Variants in GPATCH2L observed in about 807,000 individuals in gnomAD.
GPATCH2L encodes G-patch domain containing 2 like, also known as G patch domain-containing protein 2-like.
GPATCH2L carries 31 observed loss-of-function variants against 57.4 expected under a neutral mutation model. That is an observed-to-expected ratio of 0.54 (90% CI 0.41 to 0.73). The LOEUF (loss-of-function observed/expected upper bound fraction) is 0.73, where lower values mean the gene tolerates loss of function less well. GPATCH2L is among the 30% of genes least tolerant of loss of function. The probability of loss-of-function intolerance (pLI) is 0.00; values close to 1 mark genes in which losing one functional copy is unlikely to be tolerated. For missense variants in GPATCH2L, 481 were observed against 599.9 expected, an observed-to-expected ratio of 0.80 and a Z score of 2.07; for synonymous variants, 199 against 210.7, an observed-to-expected ratio of 0.94 and a Z score of 0.48.
chr14:76,197,407 A>C (rs2040189315), intron 9 of GPATCH2L, among the ~76,000 whole-genome samples: 1 of 152,108 alleles, frequency 6.6e-6, no homozygotes, highest in Non-Finnish European at 1.5e-5. Flanking sequence ...TCCTTGTTCC[A>C]TTTTCAGGTT....
intron 1 of GPATCH2L, chr14:76,152,719 A>G (rs369642531): frequency 1.3e-5 from 6 of 455,960 alleles, no homozygotes; most frequent in East Asian, 6.9e-5. Context: ...TTCGACTGCA[A>G]GTTGTTTGAT....
Position 76,207,138 on chromosome 14 carries a change from G to A in GPATCH2L, c.*5287G>A, listed in dbSNP as rs1320003310. On this transcript the variant is annotated 3_prime_UTR_variant, in exon 10 of 10. Transcript: ENST00000261530. ...AAGACCAGCCTATGCAACACAGTGA[G>A]ACCTTGTCTCTACAAAAAATTTTAA... 1 of 152,152 alleles carries A rather than the reference G, an allele frequency of 6.6e-6. No homozygotes were observed. Among genetic ancestry groups the A allele is most frequent in the Non-Finnish European group, 1.5e-5 (1 of 68,038 alleles). The allele number at this position is 152,152 out of a possible 1,614,324, so 9.4% of individuals were successfully genotyped here. A position where few individuals can be genotyped will look rare whatever the true frequency, so the allele number is the denominator to read the frequency against.
At position 76,176,657 on chromosome 14, in the gene GPATCH2L, T is replaced by A; in HGVS notation, c.1019T>A (p.Ile340Lys). 6.2e-7 allele frequency: 1 copy of A among 1,611,744 alleles called. No individual in the cohort carries two copies. The highest frequency in any genetic ancestry group is 8.5e-7 in the Non-Finnish European group (1 of 1,177,788). Residue 340 changes from isoleucine to lysine, a missense_variant, in exon 6 of 10, where the codon ATA becomes AAA. Transcript: ENST00000261530. ...TSINTLGTER[I>K]SHIISDPRQK... ...ATAAACACTTTGGGGACTGAGAGGA[T>A]AAGCCATATCATTAGTGACCCTCGG...
At chr14:76,233,972 G>T (rs1030088649) in intron 2 of GPATCH2L, among the ~76,000 whole-genome samples, 2 of 151,938 alleles carry the variant, frequency 1.3e-5, no homozygotes, top group Admixed American at 1.3e-4. Context: ...TTAGCCATGT[G>T]CAGTGGACAC....
At chr14:76,227,992 A>G (rs981911008) in intron 1 of GPATCH2L, among the ~76,000 whole-genome samples, 2 of 152,214 alleles carry the variant, frequency 1.3e-5, no homozygotes, top group African/African-American at 4.8e-5. Context: ...CGCAACTCCT[A>G]TGTGAAAGGG....
intron 9 of GPATCH2L, 200 bp downstream of exon 9, chr14:76,196,172 G>T: frequency 1.5e-6 from 1 of 689,184 alleles, no homozygotes. Context: ...ACTGTTACAT[G>T]GCTATCTAGA....
chr14:76,160,437 G>A (rs1018551928), intron 2 of GPATCH2L, among the ~76,000 whole-genome samples: 10 of 152,088 alleles, frequency 6.6e-5, no homozygotes, highest in South Asian at 2.1e-4. Flanking sequence ...GAAAAAAATC[G>A]CCCTAAAACT....
In GPATCH2L at chr14:76,202,910, G is replaced by C. The variant is rs1393564332; in HGVS notation, c.*1059G>C. On this transcript the variant is annotated 3_prime_UTR_variant, in exon 10 of 10. Transcript: ENST00000261530. ...GATGGCCTGGAGCTGCTGGAGAGAA[G>C]CCACGCTTTCTAGAAAATATTATCA... 1 of 152,338 alleles carries C rather than the reference G, an allele frequency of 6.6e-6. No homozygotes were observed. Among genetic ancestry groups the C allele is most frequent in the South Asian group, 2.1e-4 (1 of 4,824 alleles). 9.4% of individuals were successfully genotyped at this position (152,338 alleles called of 1,614,324 possible). A position where few individuals can be genotyped will look rare whatever the true frequency, so the allele number is the denominator to read the frequency against.
At chr14:76,217,738 C>T (rs368433606), downstream of GPATCH2L, among the ~76,000 whole-genome samples, 18 of 152,224 alleles carry the variant, frequency 1.2e-4, no homozygotes, top group East Asian at 1.9e-3. Flanking sequence ...CTCCTGTAGA[C>T]CACTGTAGAA....
At chr14:76,235,168 CAAAAAAAAAAAA>C (rs34157061) in intron 2 of GPATCH2L, among the ~76,000 whole-genome samples, 2 of 98,758 alleles carry the variant, frequency 2.0e-5, no homozygotes, top group African/African-American at 7.1e-5. Flanking sequence ...AACTCTGTCT[CAAAAAAAAAAAA>C]AAAAGAAAAA....
rs147590815 is a variant in GPATCH2L, at chr14:76,185,972, C to T, written c.1193+5123C>T. ...GGCAAATGACTTAATCTTCCCATAC[C>T]TCAATTTCTACATCTTTAAAATGGA... On this transcript the variant is annotated intron_variant, in intron 8 of 9. Coordinates refer to ENST00000261530, the MANE Select transcript of GPATCH2L (RefSeq NM_017926.4). 3.3e-3 allele frequency among the ~76,000 whole-genome samples: 501 copies of T among 152,182 alleles called. 4 individuals carry two copies. The highest frequency in any genetic ancestry group is 0.011 in the African/African-American group (469 of 41,522).
At chr14:76,156,545 CTCA>C (rs2038316396) in intron 2 of GPATCH2L, among the ~76,000 whole-genome samples, 1 of 152,124 alleles carries the variant, frequency 6.6e-6, no homozygotes. Flanking sequence ...GTATTTTTCC[CTCA>C]TCAGACTATT....
rs1191751640 is a variant in GPATCH2L at position 76,211,560 on chromosome 14, A to G, written c.*9709A>G. 6.6e-6 allele frequency: 1 copy of G among 152,196 alleles called. No individual in the cohort carries two copies. The highest frequency in any genetic ancestry group is 1.5e-5 in the Non-Finnish European group (1 of 68,024). 9.4% of individuals were successfully genotyped at this position (152,196 alleles called of 1,614,324 possible). A position where few individuals can be genotyped will look rare whatever the true frequency, so the allele number is the denominator to read the frequency against. On this transcript the variant is annotated 3_prime_UTR_variant, in exon 10 of 10. Transcript: ENST00000261530. Reference sequence around the variant, plus strand: ...ATTCCCCTTGAACCACCGACTTAGTAGAGTTTAATGCACAATGTGATGGTC... The same window carrying G: ...ATTCCCCTTGAACCACCGACTTAGTGGAGTTTAATGCACAATGTGATGGTC...
chr14:76,201,762 G>T lies in GPATCH2L; in HGVS notation c.1360G>T (p.Val454Leu). 1.2e-6 allele frequency: 2 copies of T among 1,614,056 alleles called. No individual in the cohort carries two copies. The highest frequency in any genetic ancestry group is 1.7e-6 in the Non-Finnish European group (2 of 1,179,952). ...APKSPSSEWL[V>L]RTSAAEKATD... ...CAAATCACCCAGCTCTGAGTGGTTG[G>T]TGAGGACCTCTGCAGCAGAGAAAGC... The change falls in exon 10 of 10, where the codon GTG (valine) becomes TTG (leucine). Residue 454 changes from valine to leucine, a missense_variant. Coordinates refer to ENST00000261530, the MANE Select transcript of GPATCH2L (RefSeq NM_017926.4).
At position 76,201,897 on chromosome 14, in the gene GPATCH2L, C is replaced by T; in HGVS notation, c.*46C>T. The T allele has an allele frequency of 1.3e-6, 2 of 1,549,250 alleles. No individual in the cohort carries two copies. Among genetic ancestry groups the T allele is most frequent in the Non-Finnish European group, 1.8e-6 (2 of 1,132,024 alleles). On this transcript the variant is annotated 3_prime_UTR_variant, in exon 10 of 10. Coordinates refer to ENST00000261530, the MANE Select transcript of GPATCH2L (RefSeq NM_017926.4). ...AGGAGCTGACTGGGTGTTGCTGAAG[C>T]AAATGTTGGACTTTGTGTTAGATAG...
chr14:76,171,469 C>A (rs1404986451), intron 3 of GPATCH2L, among the ~76,000 whole-genome samples: 1 of 151,966 alleles, frequency 6.6e-6, no homozygotes, highest in African/African-American at 2.4e-5. Flanking sequence ...GCCAGCTACT[C>A]AGGAGGCTGA....
At chr14:76,200,953 A>AATGT (rs1366397309) in intron 9 of GPATCH2L, among the ~76,000 whole-genome samples, 1 of 152,090 alleles carries the variant, frequency 6.6e-6, no homozygotes, top group Non-Finnish European at 1.5e-5. Flanking sequence ...ATGTGAAGTA[A>AATGT]ATGTTTGTTT....
chr14:76,154,615 T>C lies in GPATCH2L; in HGVS notation c.252T>C (p.Asn84=). The C allele has an allele frequency of 6.2e-7, 1 of 1,614,216 alleles. No individual in the cohort carries two copies. The highest frequency in any genetic ancestry group is 8.5e-7 in the Non-Finnish European group (1 of 1,180,038). ...GTCGAGAAGTGGCTCCGGTGACCAA[T>C]TTTAGTGACTCTGATGACACAATGG... ...KDCREVAPVT[N]FSDSDDTMVA... Residue 84 remains asparagine, a synonymous_variant, in exon 2 of 10, where the codon AAT becomes AAC. Coordinates refer to ENST00000261530, the MANE Select transcript of GPATCH2L (RefSeq NM_017926.4). This position sits in a 1 kb window ranked among gnomAD's most constrained non-coding sequence, Gnocchi z 4.4.
intron 2 of GPATCH2L, among the ~76,000 whole-genome samples, chr14:76,162,608 C>A (rs1433167064): frequency 1.3e-5 from 2 of 152,044 alleles, no homozygotes; most frequent in Non-Finnish European, 2.9e-5. Flanking sequence ...TTTTTCCTAG[C>A]CTTGTATGAT....
Sources: allele counts gnomAD v4.1 joint callset (sites outside exome capture counted in the v4.1 genomes callset), GRCh38; gene constraint gnomAD v4.1.1; non-coding constraint Gnocchi (gnomAD v3.1); transcripts MANE v1.5; gene names NCBI Gene and HGNC (gene_info 2026-07-23, HGNC 2026-07-21).